The following R3HDM2 variants were observed in gnomAD, a reference collection of about 807,000 sequenced individuals.
R3HDM2 encodes R3H domain-containing protein 2.
Under a neutral mutation model 124.5 loss-of-function variants are expected in R3HDM2, and 38 were observed. The observed-to-expected ratio is 0.31, with a 90% CI of 0.24 to 0.40. R3HDM2 has a LOEUF of 0.40. Ranked by LOEUF, R3HDM2 falls within the 10% of genes least tolerant of loss-of-function variation. R3HDM2 has a pLI of 1.00. For synonymous variants in R3HDM2, 391 were observed against 448.0 expected, an observed-to-expected ratio of 0.87 and a Z score of 1.61; for missense variants, 869 against 1,236.9, an observed-to-expected ratio of 0.70 and a Z score of 4.46.
intron 13 of R3HDM2, among the ~76,000 whole-genome samples, chr12:57,282,682 A>G (rs1462691466): frequency 6.6e-6 from 1 of 152,124 alleles, no homozygotes; most frequent in Non-Finnish European, 1.5e-5. Context: ...AAAAAATCAT[A>G]AAAAGAGCTG....
intron 1 of R3HDM2, among the ~76,000 whole-genome samples, chr12:57,416,459 T>C (rs368877565): frequency 1.3e-5 from 2 of 152,274 alleles, no homozygotes; most frequent in East Asian, 3.9e-4. Flanking sequence ...ACCAAAATAC[T>C]TGGCTGCCCA....
In R3HDM2 at chr12:57,268,337, T is replaced by C. The variant is rs2042915805; in HGVS notation, c.1996A>G (p.Ser666Gly). Residue 666 changes from serine to glycine, a missense_variant, in exon 18 of 24, where the codon AGC becomes GGC. Physicochemically the swap from Ser to Gly is moderately conservative, Grantham distance 56. Coordinates refer to ENST00000402412, the MANE Select transcript of R3HDM2 (RefSeq NM_001394031.1). Reference protein sequence around the residue: ...LPAAGVPVYYSMIPPAQQNGT... With the variant: ...LPAAGVPVYYGMIPPAQQNGT... ...TTCTGCTGAGCAGGTGGGATCATGCTATAGTACACTGGTACCCCCGCTGCT... is the reference window on the plus strand; with the variant it reads ...TTCTGCTGAGCAGGTGGGATCATGCCATAGTACACTGGTACCCCCGCTGCT... 2 of 1,613,982 alleles carry C rather than the reference T, an allele frequency of 1.2e-6. No homozygotes were observed. Among genetic ancestry groups the C allele is most frequent in the African/African-American group, 1.3e-5 (1 of 74,914 alleles).
chr12:57,298,934 G>C (rs1341307178), intron 6 of R3HDM2, among the ~76,000 whole-genome samples: 2 of 152,058 alleles, frequency 1.3e-5, no homozygotes, highest in African/African-American at 4.8e-5. Flanking sequence ...CTGCACTCCA[G>C]CCTGGGCGAC....
At chr12:57,387,166 G>C (rs550205082) in intron 2 of R3HDM2, among the ~76,000 whole-genome samples, 2 of 152,034 alleles carry the variant, frequency 1.3e-5, no homozygotes, top group Admixed American at 6.6e-5. Flanking sequence ...CAGGCTGCCC[G>C]AGCCACCAGT....
intron 1 of R3HDM2, among the ~76,000 whole-genome samples, chr12:57,428,456 C>T (rs545825964): frequency 1.4e-5 from 2 of 147,824 alleles, no homozygotes; most frequent in Admixed American, 1.4e-4. Flanking sequence ...ACAGTGAAAC[C>T]CGTCTCTACT....
At chr12:57,428,985 G>A (rs977627174) in intron 1 of R3HDM2, among the ~76,000 whole-genome samples, 27 of 152,064 alleles carry the variant, frequency 1.8e-4, no homozygotes, top group Non-Finnish European at 3.1e-4. Context: ...GACCTCAGGT[G>A]ATCCACCTGC....
At chr12:57,343,776 A>C (rs577305681) in intron 2 of R3HDM2, among the ~76,000 whole-genome samples, 64 of 151,762 alleles carry the variant, frequency 4.2e-4, no homozygotes, top group Admixed American at 8.5e-4. Context: ...AAAAAAAAAA[A>C]AAAAAAAAAA....
At chr12:57,310,136 G>A (rs958937800) in intron 3 of R3HDM2, 128 bp downstream of exon 3, 35 of 569,242 alleles carry the variant, frequency 6.1e-5, no homozygotes, top group African/African-American at 2.0e-4. Flanking sequence ...TCTTGATGCA[G>A]GAGTTTGAGG....
At chr12:57,265,672 C>T (rs901481053) in intron 19 of R3HDM2, among the ~76,000 whole-genome samples, 1 of 152,152 alleles carries the variant, frequency 6.6e-6, no homozygotes, top group African/African-American at 2.4e-5. Flanking sequence ...CTATCTGGGT[C>T]CATCCAGGCT....
intron 6 of R3HDM2, among the ~76,000 whole-genome samples, chr12:57,298,964 A>AAAAAAT (rs1409644262): frequency 3.3e-5 from 5 of 152,238 alleles, no homozygotes; most frequent in East Asian, 1.9e-4. Context: ...CTCTGTCTCA[A>AAAAAAT]AAAAATAAAA....
chr12:57,325,996 T>C (rs2057269187), intron 2 of R3HDM2, among the ~76,000 whole-genome samples: 1 of 152,148 alleles, frequency 6.6e-6, no homozygotes, highest in African/African-American at 2.4e-5. Context: ...TTTTCCTTAT[T>C]ATTATATGTG....
chr12:57,255,887 C>T (rs926400564), intron 23 of R3HDM2, 103 bp downstream of exon 23: 2 of 969,724 alleles, frequency 2.1e-6, no homozygotes, highest in Admixed American at 2.4e-5. Context: ...GTCCCACTTC[C>T]ACTCCCCATC....
intron 2 of R3HDM2, among the ~76,000 whole-genome samples, chr12:57,390,069 A>G (rs1361424408): frequency 1.3e-5 from 2 of 152,238 alleles, no homozygotes; most frequent in South Asian, 4.1e-4. Flanking sequence ...GTCAGTAACA[A>G]TAGGTGTAAT....
intron 13 of R3HDM2, among the ~76,000 whole-genome samples, chr12:57,282,163 T>C (rs990417418): frequency 1.3e-5 from 2 of 151,840 alleles, no homozygotes; most frequent in African/African-American, 2.4e-5. Flanking sequence ...TACAAAAAAT[T>C]AGCCGGCCGT....
chr12:57,353,540 TTA>T (rs2060906185), intron 2 of R3HDM2, among the ~76,000 whole-genome samples: 1 of 152,144 alleles, frequency 6.6e-6, no homozygotes, highest in Non-Finnish European at 1.5e-5. Flanking sequence ...ATTTATTCAT[TTA>T]TGTGTTGAGG....
chr12:57,311,688 T>C (rs2053947986), intron 2 of R3HDM2, among the ~76,000 whole-genome samples: 1 of 152,136 alleles, frequency 6.6e-6, no homozygotes, highest in African/African-American at 2.4e-5. Flanking sequence ...TTCTTTCCTT[T>C]ATCTTAAGCA....
intron 22 of R3HDM2, 72 bp downstream of exon 22, chr12:57,256,340 TTG>T: frequency 1.6e-6 from 2 of 1,279,490 alleles, no homozygotes; most frequent in South Asian, 2.9e-5. Context: ...ACCCAGCTGG[TTG>T]AAGCTCAGAC....
intron 5 of R3HDM2, among the ~76,000 whole-genome samples, chr12:57,299,718 G>C (rs1239285513): frequency 2.0e-5 from 3 of 152,174 alleles, no homozygotes; most frequent in Non-Finnish European, 4.4e-5. Context: ...CTTGGCACAG[G>C]TATTGAATGG....
intron 19 of R3HDM2, among the ~76,000 whole-genome samples, chr12:57,264,282 A>G (rs1344700797): frequency 1.4e-5 from 2 of 146,608 alleles, no homozygotes; most frequent in Non-Finnish European, 3.0e-5. Context: ...TGGGCTGGGA[A>G]GCTGGCTCAA....
Sources: gnomAD v4.1 joint callset for allele counts (sites outside exome capture counted in the v4.1 genomes callset) on GRCh38, gnomAD v4.1.1 for gene constraint, MANE v1.5 for transcripts, NCBI Gene and HGNC (gene_info 2026-07-23, HGNC 2026-07-21) for gene names.